Variants in TTLL7 observed in about 807,000 individuals in gnomAD.
The protein encoded by TTLL7 is tubulin tyrosine ligase like 7.
TTLL7 carries 53 observed loss-of-function variants against 120.2 expected under a neutral mutation model. That is an observed-to-expected ratio of 0.44 (90% CI 0.35 to 0.55). The LOEUF is 0.55. Ranked by LOEUF, TTLL7 falls within the 20% of genes least tolerant of loss-of-function variation. TTLL7 has a pLI of 0.00. For missense variants in TTLL7, 803 were observed against 1,054.7 expected (o/e 0.76, Z 3.31); for synonymous variants, 353 against 351.7 (o/e 1.00, Z -0.04).
chr1:83,909,029 A>G (rs1035854318), intron 15 of TTLL7, among the ~76,000 whole-genome samples: 2 of 151,630 alleles, frequency 1.3e-5, no homozygotes, highest in African/African-American at 4.8e-5. Context: ...GAGAAGGGCT[A>G]TGTGAGGAAC....
At position 83,942,560 on chromosome 1, in the gene TTLL7, A is replaced by G; in HGVS notation, c.626T>C (p.Leu209Pro). 1 of 1,614,098 alleles carries G rather than the reference A, an allele frequency of 6.2e-7. No homozygotes were observed. Among genetic ancestry groups the G allele is most frequent in the South Asian group, 1.1e-5 (1 of 91,076 alleles). Residue 209 changes from leucine to proline, a missense_variant, in exon 7 of 21, where the codon CTG becomes CCG. Coordinates refer to ENST00000260505, the MANE Select transcript of TTLL7 (RefSeq NM_024686.6). Reference sequence around the variant, plus strand: ...TTTTAGTGGATCACACGATGTAACCAGAATATAAATTCGTAAGTCAAACTT... The same window carrying G: ...TTTTAGTGGATCACACGATGTAACCGGAATATAAATTCGTAAGTCAAACTT... ...GYKFDLRIYI[L>P]VTSCDPLKIF...
intron 6 of TTLL7, 43 bp downstream of exon 6, chr1:83,947,081 A>AT (rs747440432): frequency 8.9e-5 from 133 of 1,496,924 alleles, no homozygotes; most frequent in African/African-American, 1.5e-4. Context: ...CCACTCCCAA[A>AT]TTTTTTTTTA....
chr1:83,892,455 T>TATATGAAC, intron 18 of TTLL7, among the ~76,000 whole-genome samples: 2 of 59,842 alleles, frequency 3.3e-5, no homozygotes, highest in Admixed American at 2.0e-4. Context: ...TGAATGAACA[T>TATATGAAC]ATATGAACAT....
In TTLL7 at chr1:83,865,129, T is replaced by C. The variant is rs1342055966; in HGVS notation, c.*4833A>G. On this transcript the variant is annotated 3_prime_UTR_variant, in exon 21 of 21. Transcript: ENST00000260505. ...CTGGAGCATGACAATGCAACGCTAA[T>C]TGCACACTGTATTGACATTTCAAGC... 1.3e-5 allele frequency: 2 copies of C among 152,052 alleles called. No individual in the cohort carries two copies. The highest frequency in any genetic ancestry group is 2.1e-4 in the South Asian group (1 of 4,828). The allele number at this position is 152,052 out of a possible 1,614,324, so 9.4% of individuals were successfully genotyped here.
At chr1:83,880,214 G>A (rs918097182) in intron 20 of TTLL7, 1 of 152,008 alleles carries the variant, frequency 6.6e-6, no homozygotes, top group Admixed American at 6.6e-5. Flanking sequence ...CATTAAAACT[G>A]TAGAATATAA....
chr1:83,988,050 A>G (rs1012905348), intron 1 of TTLL7, among the ~76,000 whole-genome samples: 2 of 152,140 alleles, frequency 1.3e-5, no homozygotes, highest in African/African-American at 4.8e-5. Flanking sequence ...ACCTCCATAT[A>G]GTAATCCCCA....
rs1056034589 is a variant in TTLL7 at position 83,869,812 on chromosome 1, T to C, written c.*150A>G. 37 of 577,142 alleles carry C rather than the reference T, an allele frequency of 6.4e-5. No homozygotes were observed. The highest frequency in any genetic ancestry group is 8.5e-5 in the Admixed American group (2 of 23,576). 35.8% of individuals were successfully genotyped at this position (577,142 alleles called of 1,614,324 possible). On this transcript the variant is annotated 3_prime_UTR_variant, in exon 21 of 21. Transcript: ENST00000260505. Reference sequence around the variant, plus strand: ...CATTTAATATAATAAATATATGTTATTAGGGTGCATATGTGCATATATTTT... The same window carrying C: ...CATTTAATATAATAAATATATGTTACTAGGGTGCATATGTGCATATATTTT...
chr1:83,885,834 TA>T (rs1161750940), intron 19 of TTLL7, among the ~76,000 whole-genome samples: 1 of 152,044 alleles, frequency 6.6e-6, no homozygotes, highest in African/African-American at 2.4e-5. Context: ...AAAGTTTTTT[TA>T]AAAGGTGAAG....
At position 83,948,687 on chromosome 1, in the gene TTLL7, G is replaced by A; in HGVS notation, c.288C>T (p.Asn96=). The part of the protein sequence containing the change: ...ISELQNYQRI[N]HFPGMGEICR... ...AGATCTCCCCCATTCCTGGAAAATG[G>A]TTGATCCTCTGGAAAATAAAAAGGT... Residue 96 remains asparagine, a synonymous_variant, in exon 5 of 21, where the codon AAC becomes AAT. Transcript: ENST00000260505. 1 of 1,607,468 alleles carries A rather than the reference G, an allele frequency of 6.2e-7. No homozygotes were observed. Among genetic ancestry groups the A allele is most frequent in the Non-Finnish European group, 8.5e-7 (1 of 1,175,026 alleles).
At chr1:83,987,133 TAA>T (rs1652537533) in intron 1 of TTLL7, among the ~76,000 whole-genome samples, 1 of 151,706 alleles carries the variant, frequency 6.6e-6, no homozygotes, top group South Asian at 2.1e-4. Context: ...AAAGAAAATT[TAA>T]AACACAGGTA....
chr1:83,865,102 T>C lies in TTLL7; in HGVS notation c.*4860A>G, dbSNP rs944661647. On this transcript the variant is annotated 3_prime_UTR_variant, in exon 21 of 21. Transcript: ENST00000260505. ...ATAACTTCACCATACAGATATCACATGCTGGAGCATGACAATGCAACGCTA... is the reference window on the plus strand; with the variant it reads ...ATAACTTCACCATACAGATATCACACGCTGGAGCATGACAATGCAACGCTA... 6.6e-6 allele frequency: 1 copy of C among 151,998 alleles called. No individual in the cohort carries two copies. Among genetic ancestry groups the C allele is most frequent in the Non-Finnish European group, 1.5e-5 (1 of 67,922 alleles). 9.4% of individuals were successfully genotyped at this position (151,998 alleles called of 1,614,324 possible). A position where few individuals can be genotyped will look rare whatever the true frequency, so the allele number is the denominator to read the frequency against.
chr1:83,892,335 T>TGAATATATATAC, intron 18 of TTLL7, among the ~76,000 whole-genome samples: 1 of 124,390 alleles, frequency 8.0e-6, no homozygotes, highest in South Asian at 2.5e-4. Context: ...TATGTATATA[T>TGAATATATATAC]GAATATATAT....
chr1:83,877,630 C>T (rs1035731584), intron 20 of TTLL7, among the ~76,000 whole-genome samples: 1 of 151,936 alleles, frequency 6.6e-6, no homozygotes, highest in Non-Finnish European at 1.5e-5. Context: ...TGAAATTGTT[C>T]GTAACATTTC....
At chr1:83,908,886 GGA>G (rs1657441356) in intron 15 of TTLL7, among the ~76,000 whole-genome samples, 1 of 151,576 alleles carries the variant, frequency 6.6e-6, no homozygotes, top group Non-Finnish European at 1.5e-5. Context: ...ATTAAATTTT[GGA>G]GAGTACAAAA....
At chr1:83,962,731 A>G (rs980480525) in intron 1 of TTLL7, among the ~76,000 whole-genome samples, 19 of 152,116 alleles carry the variant, frequency 1.2e-4, no homozygotes, top group African/African-American at 4.3e-4. Flanking sequence ...AAACACCTCT[A>G]AAGGGAAGTA....
chr1:83,941,663 A>G (rs1647978831), intron 7 of TTLL7, among the ~76,000 whole-genome samples: 1 of 152,356 alleles, frequency 6.6e-6, no homozygotes, highest in Non-Finnish European at 1.5e-5. Flanking sequence ...AATTTTAACT[A>G]TAGTTAGGTA....
At chr1:83,956,954 A>T (rs1649585012) in intron 1 of TTLL7, among the ~76,000 whole-genome samples, 1 of 152,206 alleles carries the variant, frequency 6.6e-6, no homozygotes, top group African/African-American at 2.4e-5. Context: ...AAAATTTTGT[A>T]TCAATATAAT....
chr1:83,913,277 T>A (rs1272714125), intron 14 of TTLL7, among the ~76,000 whole-genome samples: 1 of 152,076 alleles, frequency 6.6e-6, no homozygotes, highest in Non-Finnish European at 1.5e-5. Flanking sequence ...ATATAAAAAA[T>A]GTATAAATAT....
intron 18 of TTLL7, among the ~76,000 whole-genome samples, chr1:83,897,403 CAG>C (rs1656325122): frequency 6.6e-6 from 1 of 152,056 alleles, no homozygotes. Flanking sequence ...AAATCCCTAA[CAG>C]TGTCTAGCAT....
Sources: gnomAD v4.1 joint callset for allele counts (sites outside exome capture counted in the v4.1 genomes callset) on GRCh38, gnomAD v4.1.1 for gene constraint, MANE v1.5 for transcripts, NCBI Gene and HGNC (gene_info 2026-07-23, HGNC 2026-07-21) for gene names.